Variants in C11orf65 observed in about 807,000 individuals in gnomAD.
C11orf65 encodes chromosome 11 open reading frame 65, also known as protein MFI.
A neutral mutation model predicts 35.3 loss-of-function variants in C11orf65; 38 were observed. The ratio of observed to expected loss-of-function variants is 1.08; its 90% CI spans 0.83 to 1.41. The LOEUF is 1.41. C11orf65 is among the 40% of genes most tolerant of loss of function. The pLI is 0.00. For synonymous variants in C11orf65, 105 were observed against 114.4 expected, an observed-to-expected ratio of 0.92 and a Z score of 0.53; for missense variants, 370 against 367.1, an observed-to-expected ratio of 1.01 and a Z score of -0.06.
rs985456958 is a variant in C11orf65 at position 108,386,231 on chromosome 11, C to T, written c.732-256G>A. Among the ~76,000 whole-genome samples the T allele has an allele frequency of 4.6e-5, 7 of 152,190 alleles. 1 individual carries two copies. The South Asian group carries it at 1.0e-3, about 23-fold the overall frequency. The stretch of plus-strand genomic sequence containing the variant: ...TTAGTGTCCTTTCACCTCCCTCTAG[C>T]ATGCCCCCTCATTTTATCCTGTTAA... On this transcript the variant is annotated intron_variant, in intron 7 of 8. Coordinates refer to ENST00000393084, the MANE Select transcript of C11orf65 (RefSeq NM_152587.5).
chr11:108,396,917 GATAAA>G (rs2092325177), intron 6 of C11orf65, among the ~76,000 whole-genome samples: 1 of 151,214 alleles, frequency 6.6e-6, no homozygotes, highest in Non-Finnish European at 1.5e-5. Flanking sequence ...TATAAATATT[GATAAA>G]ATAACAGGTT....
chr11:108,439,615 A>G (rs149162618), intron 2 of C11orf65, among the ~76,000 whole-genome samples: 1 of 152,382 alleles, frequency 6.6e-6, no homozygotes, highest in Non-Finnish European at 1.5e-5. Context: ...TGTAGCATAT[A>G]GATATATAAT....
intron 6 of C11orf65, among the ~76,000 whole-genome samples, chr11:108,401,558 A>T (rs1490541719): frequency 6.6e-6 from 1 of 152,212 alleles, no homozygotes; most frequent in Non-Finnish European, 1.5e-5. Context: ...GAAAAGTAAG[A>T]AACGATGTAA....
intron 2 of C11orf65, among the ~76,000 whole-genome samples, chr11:108,450,743 G>A (rs1565716746): frequency 6.6e-6 from 1 of 151,404 alleles, no homozygotes; most frequent in Non-Finnish European, 1.5e-5. Flanking sequence ...CCTGCACATT[G>A]TGCACATGTA....
chr11:108,345,478 C>T (rs151087435), intron 2 of C11orf65, among the ~76,000 whole-genome samples: 98 of 152,238 alleles, frequency 6.4e-4, no homozygotes, highest in African/African-American at 2.3e-3. Context: ...CTTAAGAGTA[C>T]AGGATTATTC....
chr11:108,372,806 C>G (rs568656167), intron 2 of C11orf65, among the ~76,000 whole-genome samples: 1 of 152,036 alleles, frequency 6.6e-6, no homozygotes, highest in African/African-American at 2.4e-5. Flanking sequence ...AGAAAGATGC[C>G]GGGCACACAT....
chr11:108,314,205 T>G (rs1380126219), intron 6 of C11orf65, among the ~76,000 whole-genome samples: 1 of 152,088 alleles, frequency 6.6e-6, no homozygotes, highest in African/African-American at 2.4e-5. Flanking sequence ...AAGCTCTGCC[T>G]CCCAGGCTCA....
intron 3 of C11orf65, among the ~76,000 whole-genome samples, chr11:108,332,433 A>T (rs750260209): frequency 2.6e-5 from 4 of 151,742 alleles, no homozygotes; most frequent in Non-Finnish European, 5.9e-5. Context: ...ACTCTGTCTC[A>T]AATTAATTAA....
At chr11:108,409,779 G>A (rs944368140) in intron 3 of C11orf65, among the ~76,000 whole-genome samples, 1 of 152,104 alleles carries the variant, frequency 6.6e-6, no homozygotes, top group South Asian at 2.1e-4. Context: ...ATTCTCATAG[G>A]TGCACAAACC....
chr11:108,338,594 G>A (rs1309690631), intron 2 of C11orf65, among the ~76,000 whole-genome samples: 1 of 151,928 alleles, frequency 6.6e-6, no homozygotes, highest in Non-Finnish European at 1.5e-5. Context: ...GTTTGGGGCT[G>A]TGCATGAGCT....
intron 2 of C11orf65, among the ~76,000 whole-genome samples, chr11:108,443,155 A>G (rs1157141550): frequency 6.6e-6 from 1 of 151,784 alleles, no homozygotes; most frequent in Non-Finnish European, 1.5e-5. Flanking sequence ...CAAACAAACA[A>G]AAAAAGCAGG....
chr11:108,339,241 G>T (rs750002583), intron 2 of C11orf65, among the ~76,000 whole-genome samples: 3 of 152,184 alleles, frequency 2.0e-5, no homozygotes, highest in Non-Finnish European at 2.9e-5. Context: ...AATCTTAGGT[G>T]TCAGAGGATT....
Position 108,310,333 on chromosome 11 carries a change from T to G in C11orf65, c.641-1262A>C. 6.2e-7 allele frequency: 1 copy of G among 1,609,962 alleles called. No individual in the cohort carries two copies. The highest frequency in any genetic ancestry group is 8.5e-7 in the Non-Finnish European group (1 of 1,177,228). Reference sequence around the variant, plus strand: ...GAGAAAAGGTAATGGAATTTAGAATTTTTGGTTTTTAAAATTAATGTTGGC... The same window carrying G: ...GAGAAAAGGTAATGGAATTTAGAATGTTTGGTTTTTAAAATTAATGTTGGC... On this transcript the variant is annotated intron_variant, in intron 6 of 6. Coordinates refer to the C11orf65 transcript ENST00000525729.
downstream of C11orf65, among the ~76,000 whole-genome samples, chr11:108,380,838 T>C (rs1319964015): frequency 1.3e-5 from 2 of 152,188 alleles, no homozygotes; most frequent in African/African-American, 4.8e-5. Flanking sequence ...AGGTATGGAT[T>C]TGCCTTTCTT....
intron 2 of C11orf65, chr11:108,366,804 G>A (rs935721083): frequency 2.6e-5 from 6 of 230,110 alleles, no homozygotes; most frequent in African/African-American, 1.3e-4. Flanking sequence ...GCTTCCATGT[G>A]TCCCACCTTT....
Position 108,430,338 on chromosome 11 carries a change from G to A in C11orf65, c.174+1408C>T, listed in dbSNP as rs1445484215. Among the ~76,000 whole-genome samples the A allele has an allele frequency of 1.9e-4, 28 of 144,144 alleles. No individual in the cohort carries two copies. In the East Asian group the frequency reaches 4.3e-3, roughly 22 times the overall value. 94.6% of individuals were successfully genotyped at this position (144,144 alleles called of 152,430 possible). A position where few individuals can be genotyped will look rare whatever the true frequency, so the allele number is the denominator to read the frequency against. ...GTATTTTTAGTAGAGACAGGGTTTC[G>A]CCATGTTAGCCAGGGTGGTCTCGAT... On this transcript the variant is annotated intron_variant, in intron 3 of 8. Transcript: ENST00000393084.
chr11:108,355,379 C>T (rs149694895), intron 2 of C11orf65: 5 of 173,722 alleles, frequency 2.9e-5, no homozygotes, highest in African/African-American at 1.2e-4. Flanking sequence ...TGGGACAGCT[C>T]ACCTGAATAG....
At chr11:108,352,202 T>A (rs1160333655) in intron 2 of C11orf65, among the ~76,000 whole-genome samples, 3 of 152,218 alleles carry the variant, frequency 2.0e-5, no homozygotes, top group Admixed American at 2.0e-4. Context: ...ATGACAATGA[T>A]GTTGGAATTA....
At chr11:108,423,692 G>A (rs1039248152) in intron 3 of C11orf65, among the ~76,000 whole-genome samples, 8 of 152,270 alleles carry the variant, frequency 5.3e-5, no homozygotes, top group African/African-American at 1.7e-4. Flanking sequence ...GCCCCTCTGG[G>A]ACAAAGCTTC....
Sources: allele counts gnomAD v4.1 joint callset (sites outside exome capture counted in the v4.1 genomes callset), GRCh38; gene constraint gnomAD v4.1.1; transcripts MANE v1.5; gene names NCBI Gene and HGNC (gene_info 2026-07-23, HGNC 2026-07-21).